GRK5: variants seen among roughly 807,000 people sequenced by gnomAD.
The protein encoded by GRK5 is g protein-coupled receptor kinase GRK5.
In GRK5, 40 loss-of-function variants were observed where a neutral mutation model predicts 78.4. The ratio of observed to expected loss-of-function variants is 0.51; its 90% confidence interval spans 0.40 to 0.66. GRK5 has a LOEUF of 0.66. Among genes scored for constraint, GRK5 ranks in the 30% least tolerant of loss-of-function variants. The pLI is 0.00. For missense variants in GRK5, 598 were observed against 759.9 expected (o/e 0.79, Z 2.50); for synonymous variants, 289 against 296.8 (o/e 0.97, Z 0.27).
chr10:119,323,396 G>A (rs1589744561), intron 1 of GRK5, among the ~76,000 whole-genome samples: 1 of 152,344 alleles, frequency 6.6e-6, no homozygotes, highest in African/African-American at 2.4e-5. Context: ...GGGGAGCAGG[G>A]GATGGACCCG....
intron 1 of GRK5, among the ~76,000 whole-genome samples, chr10:119,300,114 G>A (rs1850150078): frequency 6.6e-6 from 1 of 152,090 alleles, no homozygotes; most frequent in South Asian, 2.1e-4. Flanking sequence ...AACTTAAAAT[G>A]TTGTTCTCCC....
intron 2 of GRK5, among the ~76,000 whole-genome samples, chr10:119,380,271 T>C (rs552715252): frequency 6.6e-6 from 1 of 152,336 alleles, no homozygotes; most frequent in African/African-American, 2.4e-5. Flanking sequence ...ACTCTACTTC[T>C]TCTAATTTCC....
At chr10:119,309,992 C>T (rs1311889068) in intron 1 of GRK5, among the ~76,000 whole-genome samples, 1 of 152,102 alleles carries the variant, frequency 6.6e-6, no homozygotes. Context: ...GGAGGTGGAG[C>T]ATGGAGGCCA....
chr10:119,357,676 T>C (rs1166261135), intron 2 of GRK5, among the ~76,000 whole-genome samples: 1 of 152,214 alleles, frequency 6.6e-6, no homozygotes, highest in Non-Finnish European at 1.5e-5. Flanking sequence ...GGCCCCACCA[T>C]TGACAGCTTT....
At chr10:119,454,854 A>G in intron 15 of GRK5, 115 bp from the exon 16 acceptor site, 1 of 683,230 alleles carries the variant, frequency 1.5e-6, no homozygotes, top group East Asian at 2.7e-5. Flanking sequence ...GGGAGACTGC[A>G]AAAGGCAATA....
intron 2 of GRK5, among the ~76,000 whole-genome samples, chr10:119,350,169 G>A (rs531824490): frequency 1.3e-5 from 2 of 152,316 alleles, no homozygotes; most frequent in East Asian, 1.9e-4. Context: ...TGCCAGTGCC[G>A]GCTGCCATCT....
At chr10:119,352,417 T>C (rs1410666616) in intron 2 of GRK5, among the ~76,000 whole-genome samples, 1 of 152,242 alleles carries the variant, frequency 6.6e-6, no homozygotes, top group African/African-American at 2.4e-5. Context: ...TCTCATTGGC[T>C]GGCCCTGGTT....
chr10:119,407,637 A>G (rs1336306725), intron 4 of GRK5, among the ~76,000 whole-genome samples: 3 of 152,248 alleles, frequency 2.0e-5, no homozygotes, highest in Non-Finnish European at 2.9e-5. Context: ...AGTGCATTCT[A>G]TCTTCATGAC....
At chr10:119,355,599 C>T (rs561679255) in intron 2 of GRK5, among the ~76,000 whole-genome samples, 2 of 152,250 alleles carry the variant, frequency 1.3e-5, no homozygotes, top group Non-Finnish European at 2.9e-5. Flanking sequence ...ACCAACATGG[C>T]GAAACCCCTG....
At chr10:119,433,996 T>A (rs760380730) in intron 8 of GRK5, among the ~76,000 whole-genome samples, 4 of 152,236 alleles carry the variant, frequency 2.6e-5, no homozygotes, top group Admixed American at 6.5e-5. Flanking sequence ...TGAAAGGCAC[T>A]TCTTACATGG....
intron 4 of GRK5, among the ~76,000 whole-genome samples, chr10:119,405,801 C>CTA (rs1852229377): frequency 1.3e-5 from 2 of 152,178 alleles, no homozygotes; most frequent in Non-Finnish European, 2.9e-5. Flanking sequence ...CTAGCACTTG[C>CTA]GTGGTTTTGG....
intron 2 of GRK5, among the ~76,000 whole-genome samples, chr10:119,350,797 TC>T (rs1399573956): frequency 6.6e-6 from 1 of 152,214 alleles, no homozygotes; most frequent in Non-Finnish European, 1.5e-5. Flanking sequence ...CTGTTGACAG[TC>T]TACTTCCAGT....
rs1206506101 is a variant in GRK5, at chr10:119,207,611, GGGA to G, written c.-302_-300del. On this transcript the variant is annotated 5_prime_UTR_variant, in exon 1 of 16. Coordinates refer to ENST00000392870, the MANE Select transcript of GRK5 (RefSeq NM_005308.3). ...ATTAAAGCATCCGAGGGAGCCGGAGGGGAGGAGAATGGAGTGACAGAGACACGC... is the reference window on the plus strand; with the variant it reads ...ATTAAAGCATCCGAGGGAGCCGGAGGGGAGAATGGAGTGACAGAGACACGC... 6.3e-6 allele frequency: 2 copies of G among 319,310 alleles called. No homozygotes were observed. Among genetic ancestry groups the G allele is most frequent in the Non-Finnish European group, 1.2e-5 (2 of 171,408 alleles). 19.8% of individuals were successfully genotyped at this position (319,310 alleles called of 1,614,324 possible).
chr10:119,389,937 A>C (rs1162506615), intron 3 of GRK5, among the ~76,000 whole-genome samples: 1 of 152,212 alleles, frequency 6.6e-6, no homozygotes, highest in Non-Finnish European at 1.5e-5. Context: ...TTGTTTGTTC[A>C]GCTCATCCTC....
intron 4 of GRK5, among the ~76,000 whole-genome samples, chr10:119,419,629 C>G (rs548378880): frequency 6.6e-6 from 1 of 152,362 alleles, no homozygotes; most frequent in African/African-American, 2.4e-5. Context: ...GCAGAGCTCC[C>G]CTGCCAGCCA....
chr10:119,312,286 G>T (rs1034451185), intron 1 of GRK5, among the ~76,000 whole-genome samples: 2 of 152,102 alleles, frequency 1.3e-5, no homozygotes, highest in African/African-American at 4.8e-5. Context: ...TTTTAATGGC[G>T]ATCAGGGTCA....
chr10:119,440,222 G>A (rs533776411), intron 10 of GRK5, among the ~76,000 whole-genome samples: 75 of 152,240 alleles, frequency 4.9e-4, no homozygotes, highest in Admixed American at 3.8e-3. Context: ...GACAGCTTGA[G>A]AGGGAATTGC....
chr10:119,448,467 CATTG>C (rs1191831727), intron 13 of GRK5, among the ~76,000 whole-genome samples: 2 of 152,250 alleles, frequency 1.3e-5, no homozygotes, highest in African/African-American at 4.8e-5. Flanking sequence ...AGGGAGCCCA[CATTG>C]GCTGTCCAGA....
rs377193545 is a variant in GRK5, at chr10:119,443,683, C to T, written c.1197C>T (p.Arg399=). ...AGGTGAAGCGGGAGGAGGTGGACCGCCGGGTCCTGGAGACGGAGGAGGTGT... is the reference window on the plus strand; with the variant it reads ...AGGTGAAGCGGGAGGAGGTGGACCGTCGGGTCCTGGAGACGGAGGAGGTGT... ...KEKVKREEVD[R]RVLETEEVYS... The change falls in exon 12 of 16, where the codon CGC becomes CGT. Residue 399 remains arginine (R), a synonymous_variant. Coordinates refer to ENST00000392870, the MANE Select transcript of GRK5 (RefSeq NM_005308.3). The T allele has an allele frequency of 2.5e-6, 4 of 1,613,372 alleles. No homozygotes were observed. The African/African-American group carries it at 5.3e-5, about 22-fold the overall frequency.
Sources: gnomAD v4.1 joint callset for allele counts (sites outside exome capture counted in the v4.1 genomes callset) on GRCh38, gnomAD v4.1.1 for gene constraint, MANE v1.5 for transcripts, NCBI Gene and HGNC (gene_info 2026-07-23, HGNC 2026-07-21) for gene names.